The following FGGY variants were observed in gnomAD, a reference collection of about 807,000 sequenced individuals.
The protein encoded by FGGY is FGGY carbohydrate kinase domain containing, also known as FGGY carbohydrate kinase domain-containing protein.
FGGY carries 72 observed loss-of-function variants against 71.3 expected under a neutral mutation model. The ratio of observed to expected loss-of-function variants is 1.01; its 90% CI spans 0.84 to 1.23. The LOEUF (loss-of-function observed/expected upper bound fraction) is 1.23. FGGY is among the 50% of genes most tolerant of loss of function. FGGY has a pLI of 0.00. For synonymous variants in FGGY, 251 were observed against 250.3 expected, an observed-to-expected ratio of 1.00 and a Z score of -0.02; for missense variants, 668 against 682.3, an observed-to-expected ratio of 0.98 and a Z score of 0.23.
At chr1:59,394,827 G>A (rs999229284) in intron 5 of FGGY, among the ~76,000 whole-genome samples, 2 of 152,040 alleles carry the variant, frequency 1.3e-5, no homozygotes, top group East Asian at 1.9e-4. Context: ...TATTTTCACA[G>A]CACTGAGACT....
In FGGY at chr1:59,576,109, T is replaced by C. The variant is rs184114754; in HGVS notation, c.903+21882T>C. 3.3e-3 allele frequency among the ~76,000 whole-genome samples: 497 copies of C among 152,322 alleles called. 2 individuals carry two copies. The highest frequency in any genetic ancestry group is 0.011 in the African/African-American group (472 of 41,568). The stretch of plus-strand genomic sequence containing the variant: ...ATTCTCACATGCACACATATGTTTA[T>C]TGCAGCACTGTTTACAATAGCAAAG... On this transcript the variant is annotated intron_variant, in intron 8 of 15. Transcript: ENST00000303721.
intron 6 of FGGY, among the ~76,000 whole-genome samples, chr1:59,470,267 C>A (rs2092872966): frequency 6.6e-6 from 1 of 152,212 alleles, no homozygotes; most frequent in Non-Finnish European, 1.5e-5. Flanking sequence ...ACCTCACCAG[C>A]ATCTGTTATT....
At chr1:59,302,752 T>G (rs968447794) in intron 1 of FGGY, among the ~76,000 whole-genome samples, 3 of 152,086 alleles carry the variant, frequency 2.0e-5, no homozygotes, top group Non-Finnish European at 2.9e-5. Flanking sequence ...ACCTAAAGTA[T>G]TTAAATAAAA....
chr1:59,555,480 A>T (rs180833719), intron 8 of FGGY, among the ~76,000 whole-genome samples: 1 of 152,302 alleles, frequency 6.6e-6, no homozygotes, highest in East Asian at 1.9e-4. Context: ...AAATGAGGTG[A>T]TACTAAGTGC....
chr1:59,753,728 TG>T (rs2098267225), intron 14 of FGGY, among the ~76,000 whole-genome samples: 1 of 151,922 alleles, frequency 6.6e-6, no homozygotes, highest in South Asian at 2.1e-4. Flanking sequence ...ACAAGTTATA[TG>T]GAGCAAACAA....
intron 4 of FGGY, among the ~76,000 whole-genome samples, chr1:59,354,011 T>A (rs575078844): frequency 6.6e-6 from 1 of 152,334 alleles, no homozygotes; most frequent in East Asian, 1.9e-4. Context: ...CATCTGGTAC[T>A]TTTCTAAGCA....
chr1:59,644,222 C>T (rs553853915), intron 11 of FGGY, among the ~76,000 whole-genome samples: 6 of 152,272 alleles, frequency 3.9e-5, no homozygotes, highest in Non-Finnish European at 7.3e-5. Flanking sequence ...GTTCTAATGC[C>T]TTCCACACTA....
chr1:59,761,943 T>G lies in FGGY; in HGVS notation c.1575-560T>G, dbSNP rs189236229. Among the ~76,000 whole-genome samples, 24 of 152,176 alleles carry G rather than the reference T, an allele frequency of 1.6e-4. No homozygotes were observed. In the East Asian group the frequency reaches 3.3e-3, roughly 21 times the overall value. ...TATTGAAGCTGGCAATGTGAAAGAG[T>G]CTCCATTAAGTCCGGCCTTTTTGTA... On this transcript the variant is annotated intron_variant, in intron 15 of 15. Coordinates refer to ENST00000303721, the MANE Select transcript of FGGY (RefSeq NM_018291.5).
At chr1:59,341,205 A>G (rs2050610697) in intron 3 of FGGY, among the ~76,000 whole-genome samples, 1 of 152,200 alleles carries the variant, frequency 6.6e-6, no homozygotes, top group Non-Finnish European at 1.5e-5. Flanking sequence ...TCTCTGAAAG[A>G]ATTTGAATGA....
rs1393964147 is a variant in FGGY at position 59,651,819 on chromosome 1, C to T, written c.1222-8400C>T. Reference sequence around the variant, plus strand: ...TATGATGTTAGCTGGTGATTTTGCTCGTTAGTTGATGCAGTTTCTTCCTAG... The same window carrying T: ...TATGATGTTAGCTGGTGATTTTGCTTGTTAGTTGATGCAGTTTCTTCCTAG... On this transcript the variant is annotated intron_variant, in intron 11 of 15. Transcript: ENST00000303721. Among the ~76,000 whole-genome samples the T allele has an allele frequency of 3.3e-3, 496 of 150,330 alleles. 3 individuals are homozygous for T. The highest frequency in any genetic ancestry group is 0.012 in the African/African-American group (473 of 40,832).
At chr1:59,397,982 A>G (rs980533226) in intron 5 of FGGY, among the ~76,000 whole-genome samples, 3 of 152,150 alleles carry the variant, frequency 2.0e-5, no homozygotes, top group Admixed American at 6.5e-5. Context: ...CAAGAACTTG[A>G]TATTTTCAAG....
At chr1:59,350,863 C>T (rs776960117) in intron 4 of FGGY, among the ~76,000 whole-genome samples, 16 of 152,198 alleles carry the variant, frequency 1.1e-4, no homozygotes, top group Admixed American at 2.0e-4. Context: ...CTTCCTCTCT[C>T]GTCACTGTTT....
intron 7 of FGGY, among the ~76,000 whole-genome samples, chr1:59,549,667 A>C (rs190339072): frequency 1.3e-5 from 2 of 152,352 alleles, no homozygotes; most frequent in East Asian, 3.9e-4. Context: ...CACAAATGCG[A>C]GAACTCAGGA....
intron 7 of FGGY, among the ~76,000 whole-genome samples, chr1:59,533,241 G>A (rs1444942367): frequency 6.9e-6 from 1 of 145,310 alleles, no homozygotes; most frequent in Admixed American, 6.8e-5. Context: ...AAAGAAAGGG[G>A]TGACAGCACC....
At chr1:59,660,120 C>A in intron 11 of FGGY, 99 bp from the exon 12 acceptor site, 1 of 1,059,600 alleles carries the variant, frequency 9.4e-7, no homozygotes, top group Non-Finnish European at 1.4e-6. Flanking sequence ...GAACTTGTTT[C>A]GGCAAGAAAA....
At chr1:59,376,872 T>C (rs932554284) in intron 4 of FGGY, among the ~76,000 whole-genome samples, 5 of 152,234 alleles carry the variant, frequency 3.3e-5, no homozygotes, top group African/African-American at 1.2e-4. Flanking sequence ...CTGTCTTCTT[T>C]ACTATTCTGT....
chr1:59,324,266 CTTTTTTTTTTTT>C (rs71046329), intron 2 of FGGY, among the ~76,000 whole-genome samples: 71 of 78,136 alleles, frequency 9.1e-4, no homozygotes, highest in Admixed American at 1.2e-3. Context: ...ATAATAACTA[CTTTTTTTTTTTT>C]TTTTTTTTTT....
chr1:59,689,157 CTGT>C (rs1475746910), intron 14 of FGGY, among the ~76,000 whole-genome samples: 1 of 152,130 alleles, frequency 6.6e-6, no homozygotes, highest in East Asian at 1.9e-4. Flanking sequence ...CCAGAGAGTG[CTGT>C]TGCATAATCT....
chr1:59,436,464 T>C (rs571716039), intron 5 of FGGY, among the ~76,000 whole-genome samples: 1 of 152,330 alleles, frequency 6.6e-6, no homozygotes. Flanking sequence ...CTTTTCTGGC[T>C]TTTCTGCCCA....
Sources: allele counts gnomAD v4.1 joint callset (sites outside exome capture counted in the v4.1 genomes callset), GRCh38; gene constraint gnomAD v4.1.1; transcripts MANE v1.5; gene names NCBI Gene and HGNC (gene_info 2026-07-23, HGNC 2026-07-21).